Variants in SUOX observed in about 807,000 individuals in gnomAD.
SUOX encodes sulfite oxidase, mitochondrial.
SUOX carries 39 observed loss-of-function variants against 41.9 expected under a neutral mutation model. That is an observed-to-expected ratio of 0.93 (90% CI 0.72 to 1.21). The LOEUF is 1.21. SUOX is among the 50% of genes most tolerant of loss of function. The pLI is 0.00. For synonymous variants in SUOX, 220 were observed against 268.4 expected, an observed-to-expected ratio of 0.82 and a Z score of 1.76; for missense variants, 633 against 689.5, an observed-to-expected ratio of 0.92 and a Z score of 0.92.
intron 2 of SUOX, among the ~76,000 whole-genome samples, chr12:56,000,209 C>T (rs1395981478): frequency 1.3e-5 from 2 of 152,166 alleles, no homozygotes; most frequent in Non-Finnish European, 2.9e-5. Flanking sequence ...CGGTGCTCCT[C>T]GGGGAGGCTT....
At chr12:56,001,051 C>G (rs570589152) in intron 2 of SUOX, among the ~76,000 whole-genome samples, 2 of 151,090 alleles carry the variant, frequency 1.3e-5, no homozygotes, top group Non-Finnish European at 2.9e-5. Flanking sequence ...TCCCAAAGTG[C>G]TGGGATTACA....
Position 56,005,522 on chromosome 12 carries a change from A to G in SUOX, c.*495A>G, listed in dbSNP as rs1165399028. On this transcript the variant is annotated 3_prime_UTR_variant, in exon 5 of 5. Transcript: ENST00000266971. ...TCTAATAAATAGTCTGTTTAAGATCATAACTCTTGGGCCTGGGGAGTGAGC... is the reference window on the plus strand; with the variant it reads ...TCTAATAAATAGTCTGTTTAAGATCGTAACTCTTGGGCCTGGGGAGTGAGC... 2 of 297,586 alleles carry G rather than the reference A, an allele frequency of 6.7e-6. No homozygotes were observed. The highest frequency in any genetic ancestry group is 2.1e-5 in the African/African-American group (1 of 46,854). The allele number at this position is 297,586 out of a possible 1,614,324, so 18.4% of individuals were successfully genotyped here.
chr12:56,005,041 C>A lies in SUOX; in HGVS notation c.*14C>A. ...GTCTCCCCATGAGCATGGAAAGGAG[C>A]CACCTCCACCCCTTTCCCCACCCAT... On this transcript the variant is annotated 3_prime_UTR_variant, in exon 5 of 5. Transcript: ENST00000266971. The A allele has an allele frequency of 1.2e-6, 2 of 1,606,256 alleles. No individual in the cohort carries two copies. The highest frequency in any genetic ancestry group is 2.7e-5 in the African/African-American group (2 of 75,012).
intron 2 of SUOX, chr12:55,999,623 C>A (rs1289375399): frequency 2.0e-5 from 3 of 152,214 alleles, no homozygotes; most frequent in Non-Finnish European, 2.9e-5. Context: ...GCAGTGTGGA[C>A]CCGAAGAGTG....
chr12:55,999,799 G>C (rs998337742), intron 2 of SUOX, among the ~76,000 whole-genome samples: 1 of 152,204 alleles, frequency 6.6e-6, no homozygotes, highest in Non-Finnish European at 1.5e-5. Flanking sequence ...TGTTTTGACA[G>C]GGTGCTGATT....
chr12:56,005,229 C>A lies in SUOX; in HGVS notation c.*202C>A. 1 of 638,166 alleles carries A rather than the reference C, an allele frequency of 1.6e-6. No individual in the cohort carries two copies. Among genetic ancestry groups the A allele is most frequent in the Non-Finnish European group, 2.7e-6 (1 of 363,728 alleles). The allele number at this position is 638,166 out of a possible 1,614,324, so 39.5% of individuals were successfully genotyped here. Reference sequence around the variant, plus strand: ...ACCCCTCTTGGCCTTTGAACCTGTGCCAGGAAGTGTGAGCTGTTACAGCAA... The same window carrying A: ...ACCCCTCTTGGCCTTTGAACCTGTGACAGGAAGTGTGAGCTGTTACAGCAA... On this transcript the variant is annotated 3_prime_UTR_variant, in exon 5 of 5. Coordinates refer to ENST00000266971, the MANE Select transcript of SUOX (RefSeq NM_001032386.2).
chr12:56,002,707 A>G lies in SUOX; in HGVS notation c.215A>G (p.Asp72Gly). 6.2e-7 allele frequency: 1 copy of G among 1,614,118 alleles called. No homozygotes were observed. The highest frequency in any genetic ancestry group is 8.5e-7 in the Non-Finnish European group (1 of 1,180,020). The change falls in exon 4 of 5, where the codon GAC (aspartate) becomes GGC (glycine). Residue 72 changes from aspartate to glycine, a missense_variant. Physicochemically the swap from Asp to Gly is moderately conservative, Grantham distance 94. Coordinates refer to ENST00000266971, the MANE Select transcript of SUOX (RefSeq NM_001032386.2). The part of the protein sequence containing the change: ...LGLGAVLAYQ[D>G]HRCRAAQEST... ...CTCGGTGCAGTGTTGGCCTATCAGGACCATCGGTGTAGGGTAAGTAGGGAA... is the reference window on the plus strand; with the variant it reads ...CTCGGTGCAGTGTTGGCCTATCAGGGCCATCGGTGTAGGGTAAGTAGGGAA...
At chr12:56,001,404 G>C (rs959774206) in intron 2 of SUOX, 2 of 152,110 alleles carry the variant, frequency 1.3e-5, no homozygotes, top group Non-Finnish European at 2.9e-5. Context: ...GATTACAGAC[G>C]TGAGCCACTG....
chr12:55,997,966 C>T (rs1890367782), intron 2 of SUOX, among the ~76,000 whole-genome samples: 1 of 152,152 alleles, frequency 6.6e-6, no homozygotes, highest in Non-Finnish European at 1.5e-5. Context: ...GAAAAATTAC[C>T]TTCCTTCTCC....
chr12:56,003,537 A>G, intron 4 of SUOX, 81 bp from the exon 5 acceptor site: 8 of 1,387,584 alleles, frequency 5.8e-6, no homozygotes, highest in Non-Finnish European at 7.1e-6. Flanking sequence ...CTGGGATTAC[A>G]GTTGTGAGTC....
intron 2 of SUOX, among the ~76,000 whole-genome samples, chr12:55,998,803 C>T (rs1565794975): frequency 3.5e-5 from 5 of 142,976 alleles, no homozygotes; most frequent in Non-Finnish European, 7.7e-5. Flanking sequence ...ATCGCCCAGG[C>T]TTTTTTTTTT....
chr12:56,000,852 T>A (rs527942920), intron 2 of SUOX, among the ~76,000 whole-genome samples: 191 of 152,008 alleles, frequency 1.3e-3, no homozygotes, highest in Admixed American at 2.7e-3. Flanking sequence ...AGTGGCGCGA[T>A]CTCGGCTCAC....
chr12:56,003,671 C>G lies in SUOX; in HGVS notation c.282C>G (p.Thr94=), dbSNP rs1240633486. Residue 94 remains threonine (T), a synonymous_variant, in exon 5 of 5, where the codon ACC becomes ACG. Coordinates refer to ENST00000266971, the MANE Select transcript of SUOX (RefSeq NM_001032386.2). ...IYTKEEVSSH[T]SPETGIWVTL... is the part of the protein sequence containing the mutation. Reference sequence around the variant, plus strand: ...CTAAGGAGGAAGTGAGTTCCCACACCAGCCCTGAGACTGGGATCTGGGTGA... The same window carrying G: ...CTAAGGAGGAAGTGAGTTCCCACACGAGCCCTGAGACTGGGATCTGGGTGA... 6.2e-7 allele frequency: 1 copy of G among 1,613,838 alleles called. No individual in the cohort carries two copies.
In SUOX at chr12:56,004,577, A is replaced by G. The variant is rs755904716; in HGVS notation, c.1188A>G (p.Gln396=). ...VQPEESYSHW[Q]RRDYKGFSPS... Reference sequence around the variant, plus strand: ...CAGAGGAAAGTTACAGCCACTGGCAACGGCGGGATTACAAAGGCTTCTCTC... The same window carrying G: ...CAGAGGAAAGTTACAGCCACTGGCAGCGGCGGGATTACAAAGGCTTCTCTC... The change falls in exon 5 of 5, where the codon CAA becomes CAG. Residue 396 remains glutamine (Q), a synonymous_variant. Transcript: ENST00000266971. This position sits in a 1 kb window ranked among gnomAD's most constrained non-coding sequence, Gnocchi z 4.5. The G allele has an allele frequency of 6.2e-7, 1 of 1,614,080 alleles. No individual in the cohort carries two copies.
chr12:56,004,695 G>A lies in SUOX; in HGVS notation c.1306G>A (p.Glu436Lys), dbSNP rs142424431. 219 of 1,614,076 alleles carry A rather than the reference G, an allele frequency of 1.4e-4. No homozygotes were observed. The highest frequency in any genetic ancestry group is 1.7e-4 in the Non-Finnish European group (203 of 1,180,052). The change falls in exon 5 of 5, where the codon GAG (glutamate) becomes AAG (lysine). Residue 436 changes from glutamate (E) to lysine (K), a missense_variant. By Grantham distance (56) the Glu-to-Lys change is moderately conservative (BLOSUM62 1). Transcript: ENST00000266971. The surrounding 1 kb of genome is among the most constrained non-coding windows in gnomAD (Gnocchi z 4.5). Reference sequence around the variant, plus strand: ...GGCCATCACAGAGCCCCGGGATGGAGAGACTGTAGAATCAGGGGAGGTGAC... The same window carrying A: ...GGCCATCACAGAGCCCCGGGATGGAAAGACTGTAGAATCAGGGGAGGTGAC... The part of the protein sequence containing the change: ...QSAITEPRDG[E>K]TVESGEVTIK...
In SUOX at chr12:56,004,847, G is replaced by T. The variant is rs750959213; in HGVS notation, c.1458G>T (p.Trp486Cys). 1 of 1,614,190 alleles carries T rather than the reference G, an allele frequency of 6.2e-7. No individual in the cohort carries two copies. Among genetic ancestry groups the T allele is most frequent in the Non-Finnish European group, 8.5e-7 (1 of 1,180,030 alleles). Residue 486 changes from tryptophan (W) to cysteine (C), a missense_variant, in exon 5 of 5, where the codon TGG (tryptophan) becomes TGT (cysteine). By Grantham distance (215) the Trp-to-Cys change is radical (BLOSUM62 -2). Coordinates refer to ENST00000266971, the MANE Select transcript of SUOX (RefSeq NM_001032386.2). The surrounding 1 kb of genome is among the most constrained non-coding windows in gnomAD (Gnocchi z 4.5). ...AGGAACAGCGCCCCAGGAAGGCCTG[G>T]GCATGGCGTCTGTGGCAGTTGAAAG... The part of the protein sequence containing the change: ...DGEEQRPRKA[W>C]AWRLWQLKAP...
intron 2 of SUOX, among the ~76,000 whole-genome samples, chr12:56,000,095 C>T (rs888311966): frequency 6.6e-6 from 1 of 152,156 alleles, no homozygotes; most frequent in African/African-American, 2.4e-5. Flanking sequence ...CAGTGGATCC[C>T]GCACTGGTGC....
intron 2 of SUOX, among the ~76,000 whole-genome samples, chr12:55,998,869 A>G (rs1232415668): frequency 6.6e-6 from 1 of 151,642 alleles, no homozygotes; most frequent in African/African-American, 2.4e-5. Flanking sequence ...CGCCATCATA[A>G]TTCATTGCAG....
In SUOX at chr12:56,002,988, A is replaced by G. The variant is rs1702881; in HGVS notation, c.228+268A>G. The G allele has an allele frequency of 0.99, 363,131 of 365,266 alleles. 180,534 individuals carry two copies. Among genetic ancestry groups the G allele is most frequent in the East Asian group, 1 (16,637 of 16,638 alleles). The allele number at this position is 365,266 out of a possible 1,614,324, so 22.6% of individuals were successfully genotyped here. The stretch of plus-strand genomic sequence containing the variant: ...TCTGCAGTGAGCCAAGATCAAGATC[A>G]GGCCACTGCTCTCCAGCCTGGGTGA... On this transcript the variant is annotated intron_variant, in intron 4 of 4. Coordinates refer to ENST00000266971, the MANE Select transcript of SUOX (RefSeq NM_001032386.2).
Sources: gnomAD v4.1 joint callset for allele counts (sites outside exome capture counted in the v4.1 genomes callset) on GRCh38, gnomAD v4.1.1 for gene constraint, Gnocchi (gnomAD v3.1) non-coding constraint, MANE v1.5 for transcripts, NCBI Gene and HGNC (gene_info 2026-07-23, HGNC 2026-07-21) for gene names.